Variants in RIMS2 observed in about 807,000 individuals in gnomAD.
RIMS2 encodes the protein regulating synaptic membrane exocytosis 2.
A neutral mutation model predicts 174.4 loss-of-function variants in RIMS2; 59 were observed. The ratio of observed to expected loss-of-function variants is 0.34; its 90% confidence interval spans 0.27 to 0.42. The LOEUF (loss-of-function observed/expected upper bound fraction) is 0.42, where lower values mean the gene tolerates loss of function less well. Ranked by LOEUF, RIMS2 falls within the 10% of genes least tolerant of loss-of-function variation. RIMS2 has a pLI of 1.00. For missense variants in RIMS2, 1,620 were observed against 1,666.3 expected (o/e 0.97, Z 0.48); for synonymous variants, 606 against 572.5 (o/e 1.06, Z -0.84).
chr8:104,103,904 T>C (rs1294362863), intron 19 of RIMS2, among the ~76,000 whole-genome samples: 3 of 152,150 alleles, frequency 2.0e-5, no homozygotes, highest in Non-Finnish European at 4.4e-5. Flanking sequence ...ACAGTCACTA[T>C]ATGGGACCCT....
intron 1 of RIMS2, among the ~76,000 whole-genome samples, chr8:103,530,779 C>T (rs910531610): frequency 1.3e-5 from 2 of 151,756 alleles, no homozygotes; most frequent in African/African-American, 2.4e-5. Flanking sequence ...TTTTACAGAA[C>T]TGTAAGTAAA....
In RIMS2 at chr8:103,650,927, A is replaced by T. The variant is rs1051376772; in HGVS notation, c.177-46159A>T. 2.6e-5 allele frequency among the ~76,000 whole-genome samples: 4 copies of T among 152,304 alleles called. No individual in the cohort carries two copies. The East Asian group carries it at 7.7e-4, about 29-fold the overall frequency. On this transcript the variant is annotated intron_variant, in intron 1 of 23. Coordinates refer to ENST00000504942, the Ensembl canonical transcript of RIMS2. ...GCACCATGTAAGTGGGGCCCACAGAATGATGCCACTTTGCTCCCTGGACTC... is the reference window on the plus strand; with the variant it reads ...GCACCATGTAAGTGGGGCCCACAGATTGATGCCACTTTGCTCCCTGGACTC...
intron 17 of RIMS2, among the ~76,000 whole-genome samples, chr8:103,994,431 A>G (rs1043788502): frequency 1.3e-5 from 2 of 152,056 alleles, no homozygotes; most frequent in African/African-American, 4.8e-5. Flanking sequence ...TTTCTTTTAC[A>G]GTGATTTACT....
At chr8:103,854,781 G>T (rs1242552003) in intron 3 of RIMS2, among the ~76,000 whole-genome samples, 1 of 151,932 alleles carries the variant, frequency 6.6e-6, no homozygotes, top group African/African-American at 2.4e-5. Flanking sequence ...TTTTGTTGAG[G>T]ATTCTTGCAT....
intron 19 of RIMS2, among the ~76,000 whole-genome samples, chr8:104,115,865 A>G (rs917171015): frequency 7.9e-5 from 12 of 152,298 alleles, no homozygotes; most frequent in African/African-American, 2.2e-4. Context: ...CTGCTGTTTC[A>G]GGAGATCAGA....
At chr8:103,648,963 T>G (rs1467866524) in intron 1 of RIMS2, among the ~76,000 whole-genome samples, 4 of 152,340 alleles carry the variant, frequency 2.6e-5, no homozygotes, top group Non-Finnish European at 5.9e-5. Context: ...TTGTTATTTG[T>G]GAATTTGATT....
rs548153731 is a variant in RIMS2 at position 103,662,757 on chromosome 8, A to C, written c.177-34329A>C. 5.3e-5 allele frequency among the ~76,000 whole-genome samples: 8 copies of C among 152,230 alleles called. No homozygotes were observed. The South Asian group carries it at 1.7e-3, about 32-fold the overall frequency. On this transcript the variant is annotated intron_variant, in intron 1 of 23. Transcript: ENST00000504942. ...ATATAGTCATTCTCTAGTGTCAATA[A>C]CAAGCTACAAGTGTAATTTTTACAT...
intron 23 of RIMS2, 115 bp downstream of exon 29, chr8:104,251,278 T>C (rs1298814287): frequency 4.1e-6 from 4 of 980,420 alleles, no homozygotes; most frequent in African/African-American, 3.3e-5. Flanking sequence ...GGAAATTCTT[T>C]GGAAACTTTT....
At chr8:104,224,298 G>C (rs1554640281) in intron 19 of RIMS2, among the ~76,000 whole-genome samples, 1 of 152,216 alleles carries the variant, frequency 6.6e-6, no homozygotes, top group Non-Finnish European at 1.5e-5. Context: ...CCGAAGGTGA[G>C]TTTGTGCTCA....
intron 1 of RIMS2, among the ~76,000 whole-genome samples, chr8:103,562,219 C>T (rs1050616820): frequency 1.3e-5 from 2 of 152,206 alleles, no homozygotes; most frequent in Non-Finnish European, 2.9e-5. Flanking sequence ...TCAGCATTAA[C>T]TCAAAAGTCC....
At chr8:103,588,136 C>A (rs1329180070) in intron 1 of RIMS2, among the ~76,000 whole-genome samples, 1 of 151,450 alleles carries the variant, frequency 6.6e-6, no homozygotes, top group Non-Finnish European at 1.5e-5. Context: ...AAGAAAAAAA[C>A]AATTCTATTT....
At chr8:104,200,040 G>C (rs2099046494) in intron 19 of RIMS2, among the ~76,000 whole-genome samples, 1 of 152,166 alleles carries the variant, frequency 6.6e-6, no homozygotes, top group African/African-American at 2.4e-5. Context: ...GAGGCTAAGA[G>C]CATGAGGAAT....
At chr8:103,745,158 C>A (rs1012542877) in intron 2 of RIMS2, among the ~76,000 whole-genome samples, 2 of 152,180 alleles carry the variant, frequency 1.3e-5, no homozygotes, top group Admixed American at 1.3e-4. Context: ...TCCCAAAAAA[C>A]CCCTGTACCC....
At chr8:103,928,526 T>G (rs2154531127) in intron 11 of RIMS2, among the ~76,000 whole-genome samples, 1 of 151,576 alleles carries the variant, frequency 6.6e-6, no homozygotes. Context: ...CTCTTTTCAT[T>G]AGGAAACCCT....
chr8:104,064,756 T>G (rs927698451), intron 19 of RIMS2, among the ~76,000 whole-genome samples: 1 of 152,060 alleles, frequency 6.6e-6, no homozygotes, highest in African/African-American at 2.4e-5. Flanking sequence ...ATTATCACAT[T>G]AATATATATT....
At chr8:103,767,825 A>T (rs2098194420) in intron 3 of RIMS2, among the ~76,000 whole-genome samples, 1 of 152,234 alleles carries the variant, frequency 6.6e-6, no homozygotes, top group Admixed American at 6.5e-5. Flanking sequence ...GGGGAAAACA[A>T]TCATCTTAAT....
intron 19 of RIMS2, among the ~76,000 whole-genome samples, chr8:104,163,692 A>G (rs2098778866): frequency 6.6e-6 from 1 of 152,204 alleles, no homozygotes; most frequent in African/African-American, 2.4e-5. Context: ...TTAGGCATTA[A>G]AGTTTGGTGC....
intron 19 of RIMS2, among the ~76,000 whole-genome samples, chr8:104,034,753 A>G (rs554307279): frequency 6.6e-6 from 1 of 152,230 alleles, no homozygotes; most frequent in South Asian, 2.1e-4. Flanking sequence ...TACAGGCATG[A>G]GCTACGGTGC....
chr8:103,583,432 A>C (rs910870167), intron 1 of RIMS2, among the ~76,000 whole-genome samples: 11 of 152,202 alleles, frequency 7.2e-5, no homozygotes, highest in African/African-American at 2.7e-4. Flanking sequence ...GACCTCACCA[A>C]GTGAACTAAA....
Sources: gnomAD v4.1 joint callset for allele counts (sites outside exome capture counted in the v4.1 genomes callset) on GRCh38, gnomAD v4.1.1 for gene constraint, MANE v1.5 for transcripts, NCBI Gene and HGNC (gene_info 2026-07-23, HGNC 2026-07-21) for gene names.